Variants in DNAJC18 observed in about 807,000 individuals in gnomAD.
DNAJC18 encodes dnaJ homolog subfamily C member 18.
In DNAJC18, 40 loss-of-function variants were observed where a neutral mutation model predicts 48.6. That is an observed-to-expected ratio of 0.82 (90% confidence interval 0.64 to 1.07). DNAJC18 has a LOEUF of 1.07. DNAJC18 is among the 50% of genes least tolerant of loss of function. DNAJC18 has a pLI of 0.00. For synonymous variants in DNAJC18, 135 were observed against 152.2 expected (o/e 0.89, Z 0.83); for missense variants, 340 against 427.7 (o/e 0.79, Z 1.81).
At chr5:139,434,205 A>C (rs1189653530) in intron 2 of DNAJC18, among the ~76,000 whole-genome samples, 1 of 152,166 alleles carries the variant, frequency 6.6e-6, no homozygotes, top group Non-Finnish European at 1.5e-5. Context: ...CAAATCTAAA[A>C]AATTTTTCCA....
At position 139,424,717 on chromosome 5, in the gene DNAJC18, C is replaced by CAAAAAAAAAA; in HGVS notation, c.669+278_669+287dup. Among the ~76,000 whole-genome samples, 28 of 23,114 alleles carry CAAAAAAAAAA rather than the reference C, an allele frequency of 1.2e-3. 3 individuals carry two copies. Among genetic ancestry groups the CAAAAAAAAAA allele is most frequent in the African/African-American group, 2.8e-3 (10 of 3,614 alleles). The allele number at this position is 23,114 out of a possible 152,430, so 15.2% of individuals were successfully genotyped here. ...CCTGAGTGACAGTGAGACCCTCTCT[C>CAAAAAAAAAA]AAAAAAAAAAAAAAAAAAAAAAAAA... On this transcript the variant is annotated intron_variant, in intron 5 of 7. Transcript: ENST00000302060.
At chr5:139,436,847 G>C in intron 2 of DNAJC18, among the ~76,000 whole-genome samples, 1 of 151,954 alleles carries the variant, frequency 6.6e-6, no homozygotes, top group East Asian at 1.9e-4. Context: ...ATTTTAGTAC[G>C]TCGTGTTTTC....
At chr5:139,433,009 AG>A (rs1179671104) in intron 2 of DNAJC18, among the ~76,000 whole-genome samples, 2 of 152,194 alleles carry the variant, frequency 1.3e-5, no homozygotes, top group African/African-American at 4.8e-5. Flanking sequence ...GGCTGGCCGC[AG>A]GGTTCACACC....
rs1758997741 is a variant in DNAJC18, at chr5:139,411,682, T to A, written c.*2466A>T. The A allele has an allele frequency of 1.3e-5, 2 of 152,214 alleles. No homozygotes were observed. 9.4% of individuals were successfully genotyped at this position (152,214 alleles called of 1,614,324 possible). ...GGTCTATTGGCAATAAATAAAACAGTACCATCGGTGCTATAAAAACAGACA... is the reference window on the plus strand; with the variant it reads ...GGTCTATTGGCAATAAATAAAACAGAACCATCGGTGCTATAAAAACAGACA... On this transcript the variant is annotated 3_prime_UTR_variant, in exon 8 of 8. Coordinates refer to ENST00000302060, the MANE Select transcript of DNAJC18 (RefSeq NM_152686.4).
intron 7 of DNAJC18, among the ~76,000 whole-genome samples, chr5:139,415,466 A>G (rs1759057300): frequency 6.6e-6 from 1 of 152,238 alleles, no homozygotes; most frequent in African/African-American, 2.4e-5. Context: ...TCCCTCTACA[A>G]TGGAGGCCGC....
intron 7 of DNAJC18, chr5:139,418,751 T>C: frequency 2.2e-6 from 1 of 456,316 alleles, no homozygotes; most frequent in Non-Finnish European, 4.4e-6. Flanking sequence ...CTCAGCATTT[T>C]CATTGTTTTC....
intron 6 of DNAJC18, among the ~76,000 whole-genome samples, chr5:139,420,929 G>A (rs931590342): frequency 6.6e-5 from 10 of 152,046 alleles, no homozygotes; most frequent in Admixed American, 4.6e-4. Context: ...TACATTAAAG[G>A]GGCTATATTT....
intron 7 of DNAJC18, 79 bp downstream of exon 7, chr5:139,419,973 AG>A: frequency 7.4e-7 from 1 of 1,355,850 alleles, no homozygotes; most frequent in Non-Finnish European, 9.9e-7. Flanking sequence ...AAACAAGAAG[AG>A]AGGAGGGATC....
At chr5:139,422,640 T>A in intron 6 of DNAJC18, 68 bp downstream of exon 6, 1 of 1,169,902 alleles carries the variant, frequency 8.5e-7, no homozygotes, top group East Asian at 2.5e-5. Flanking sequence ...TAGTAATGTA[T>A]CAGCAAAACC....
chr5:139,434,962 C>T (rs905559168), intron 2 of DNAJC18, among the ~76,000 whole-genome samples: 1 of 152,088 alleles, frequency 6.6e-6, no homozygotes, highest in African/African-American at 2.4e-5. Flanking sequence ...GGGAAAACAC[C>T]TAGTTGTTCA....
rs2152083048 is a variant in DNAJC18, at chr5:139,419,943, A to G, written c.952+110T>C. On this transcript the variant is annotated intron_variant, in intron 7 of 7. Coordinates refer to ENST00000302060, the MANE Select transcript of DNAJC18 (RefSeq NM_152686.4). Reference sequence around the variant, plus strand: ...TGGCCTTTGTCCTCTGACTCTGTTCACATAAACATGCGTAGCCTCAAACAA... The same window carrying G: ...TGGCCTTTGTCCTCTGACTCTGTTCGCATAAACATGCGTAGCCTCAAACAA... 7 of 1,129,748 alleles carry G rather than the reference A, an allele frequency of 6.2e-6. No individual in the cohort carries two copies. The Middle Eastern group carries it at 7.5e-4, about 122-fold the overall frequency. 70.0% of individuals were successfully genotyped at this position (1,129,748 alleles called of 1,614,324 possible).
At chr5:139,437,679 T>A in intron 1 of DNAJC18, 121 bp from the exon 2 acceptor site, 1 of 1,158,072 alleles carries the variant, frequency 8.6e-7, no homozygotes, top group Non-Finnish European at 1.2e-6. Flanking sequence ...TGGCCAGGGC[T>A]AGAGGCGTCA....
At chr5:139,422,875 G>C in intron 5 of DNAJC18, 58 bp from the exon 6 acceptor site, 5 of 1,260,382 alleles carry the variant, frequency 4.0e-6, no homozygotes, top group Non-Finnish European at 5.5e-6. Flanking sequence ...TTTTTCTGTC[G>C]CCCAGGCTGG....
chr5:139,418,485 T>G (rs1245442245), intron 7 of DNAJC18, among the ~76,000 whole-genome samples: 1 of 152,246 alleles, frequency 6.6e-6, no homozygotes, highest in Non-Finnish European at 1.5e-5. Context: ...TGCTCTAAAA[T>G]TCTTTCCTGA....
At position 139,414,078 on chromosome 5, in the gene DNAJC18, T is replaced by G; in HGVS notation, c.*70A>C. ...TTCATCATTACCTAGTTTTGTATTA[T>G]AAAATGGAATCAGGAACATAAATAG... On this transcript the variant is annotated 3_prime_UTR_variant, in exon 8 of 8. Coordinates refer to ENST00000302060, the MANE Select transcript of DNAJC18 (RefSeq NM_152686.4). 6.4e-7 allele frequency: 1 copy of G among 1,567,354 alleles called. No homozygotes were observed. The highest frequency in any genetic ancestry group is 2.3e-5 in the East Asian group (1 of 44,060).
At chr5:139,435,358 A>G (rs1466619475) in intron 2 of DNAJC18, among the ~76,000 whole-genome samples, 1 of 152,132 alleles carries the variant, frequency 6.6e-6, no homozygotes, top group African/African-American at 2.4e-5. Flanking sequence ...GTCTCAAAAA[A>G]AAAAGAGTGT....
Position 139,410,807 on chromosome 5 carries a change from C to G in DNAJC18, c.*3341G>C, listed in dbSNP as rs190602206. 1.1e-3 allele frequency: 170 copies of G among 151,410 alleles called. No individual in the cohort carries two copies. Among genetic ancestry groups the G allele is most frequent in the Non-Finnish European group, 2.0e-3 (139 of 68,420 alleles). The allele number at this position is 151,410 out of a possible 1,614,324, so 9.4% of individuals were successfully genotyped here. On this transcript the variant is annotated 3_prime_UTR_variant, in exon 8 of 8. Coordinates refer to ENST00000302060, the MANE Select transcript of DNAJC18 (RefSeq NM_152686.4). ...TTTTTGAGACAGAGTCTTGCTCTGT[C>G]ACCCAGGCTGGAGTGCAATGATGTG...
At chr5:139,436,515 C>CTTT (rs57926576) in intron 2 of DNAJC18, among the ~76,000 whole-genome samples, 580 of 67,402 alleles carry the variant, frequency 8.6e-3, no homozygotes, top group African/African-American at 0.012. Context: ...ATCCCTCTTT[C>CTTT]TTTTTTTTTT....
chr5:139,414,307 G>A (rs769033816), intron 7 of DNAJC18, 35 bp from the exon 8 acceptor site: 8 of 1,585,858 alleles, frequency 5.0e-6, no homozygotes, highest in Non-Finnish European at 6.8e-6. Context: ...TTCATCAAGA[G>A]CTGAACTCCT....
Sources: gnomAD v4.1 joint callset for allele counts (sites outside exome capture counted in the v4.1 genomes callset) on GRCh38, gnomAD v4.1.1 for gene constraint, MANE v1.5 for transcripts, NCBI Gene and HGNC (gene_info 2026-07-23, HGNC 2026-07-21) for gene names.